ROS1: variants seen among roughly 807,000 people sequenced by gnomAD.
ROS1 encodes the protein ROS proto-oncogene 1, receptor tyrosine kinase.
A neutral mutation model predicts 273.5 loss-of-function variants in ROS1; 263 were observed. The observed-to-expected ratio is 0.96, with a 90% CI of 0.87 to 1.06. The LOEUF is 1.06. Among genes scored for constraint, ROS1 ranks in the 50% least tolerant of loss-of-function variants. The probability of loss-of-function intolerance (pLI) is 0.00; values close to 1 mark genes in which losing one functional copy is unlikely to be tolerated. For missense variants in ROS1, 2,833 were observed against 2,751.1 expected, an observed-to-expected ratio of 1.03 and a Z score of -0.67; for synonymous variants, 1,008 against 954.1, an observed-to-expected ratio of 1.06 and a Z score of -1.04.
At chr6:117,376,336 T>A (rs1213367303) in intron 18 of ROS1, among the ~76,000 whole-genome samples, 1 of 152,134 alleles carries the variant, frequency 6.6e-6, no homozygotes, top group African/African-American at 2.4e-5. Flanking sequence ...CCTTATATCC[T>A]TAAAAGATGC....
rs781723412 is a variant in ROS1 at position 117,389,846 on chromosome 6, C to G, written c.1290G>C (p.Gly430=). The G allele has an allele frequency of 2.5e-6, 4 of 1,598,588 alleles. No individual in the cohort carries two copies. In the Admixed American group the frequency reaches 6.8e-5, roughly 27 times the overall value. ...PQKIVADSYN[G]YVFYLLRDGI... is the part of the protein sequence containing the mutation. ...CATCTCTCAGGAGGTAAAAGACATACCTGACACAGGAACAAAAGAAACCTC... is the reference window on the plus strand; with the variant it reads ...CATCTCTCAGGAGGTAAAAGACATAGCTGACACAGGAACAAAAGAAACCTC... Residue 430 remains glycine, a splice_region_variant and synonymous_variant, in exon 13 of 44, where the codon GGG becomes GGC. Transcript: ENST00000368507.
chr6:117,384,091 G>T (rs543860757), intron 16 of ROS1, among the ~76,000 whole-genome samples: 4 of 152,244 alleles, frequency 2.6e-5, no homozygotes, highest in Admixed American at 2.6e-4. Context: ...AAGAGATAGA[G>T]AAAATACTTA....
Position 117,373,482 on chromosome 6 carries a change from G to C in ROS1, c.2582+5577C>G, listed in dbSNP as rs142040330. On this transcript the variant is annotated intron_variant, in intron 18 of 43. Coordinates refer to ENST00000368507, the MANE Select transcript of ROS1 (RefSeq NM_001378902.1). ...ATTCGAGCATGGCGCGGGCAGGCCA[G>C]CAGTGCTGGGGGACCTGGTGCCCCT... 2.1e-3 allele frequency among the ~76,000 whole-genome samples: 321 copies of C among 152,370 alleles called. 5 individuals carry two copies. Among genetic ancestry groups the C allele is most frequent in the African/African-American group, 7.5e-3 (312 of 41,592 alleles).
At position 117,365,593 on chromosome 6, in the gene ROS1, A is replaced by G. The variant is rs745351978; in HGVS notation, c.2946T>C (p.Ser982=). The change falls in exon 20 of 44, where the codon AGT becomes AGC. Residue 982 remains serine, a synonymous_variant. Coordinates refer to ENST00000368507, the MANE Select transcript of ROS1 (RefSeq NM_001378902.1). The part of the protein sequence containing the change: ...WGVVFYSVEF[S]AHSKFLASEQ... The stretch of plus-strand genomic sequence containing the variant: ...ACCAACACCATACCTTAGAATGAGC[A>G]CTAAATTCTACACTGTAGAAAACTA... The G allele has an allele frequency of 6.2e-7, 1 of 1,613,136 alleles. No individual in the cohort carries two copies. Among genetic ancestry groups the G allele is most frequent in the East Asian group, 2.2e-5 (1 of 44,870 alleles).
At chr6:117,342,601 T>C in intron 28 of ROS1, 57 bp from the exon 29 acceptor site, 1 of 1,111,272 alleles carries the variant, frequency 9.0e-7, no homozygotes, top group Non-Finnish European at 1.3e-6. Context: ...TACAAATTGG[T>C]AGAAATTATT....
intron 27 of ROS1, among the ~76,000 whole-genome samples, chr6:117,352,081 C>CTGTTTT (rs1334668211): frequency 6.6e-6 from 1 of 152,022 alleles, no homozygotes. Context: ...CCATGCAATT[C>CTGTTTT]TGTTTTTGTT....
intron 43 of ROS1, among the ~76,000 whole-genome samples, chr6:117,293,627 T>C (rs1773996322): frequency 6.6e-6 from 1 of 152,020 alleles, no homozygotes; most frequent in Non-Finnish European, 1.5e-5. Context: ...GTAGATACAA[T>C]TATAAAATAA....
At chr6:117,369,634 T>C (rs1019732320) in intron 18 of ROS1, among the ~76,000 whole-genome samples, 24 of 152,188 alleles carry the variant, frequency 1.6e-4, no homozygotes, top group African/African-American at 5.8e-4. Flanking sequence ...GAATGGACTA[T>C]GATCCTTCAG....
At chr6:117,293,057 T>G (rs984570243) in intron 43 of ROS1, among the ~76,000 whole-genome samples, 3 of 152,206 alleles carry the variant, frequency 2.0e-5, no homozygotes, top group Non-Finnish European at 4.4e-5. Context: ...TCTTCTATCC[T>G]GAAATACATA....
chr6:117,412,908 T>G (rs1775039174), intron 4 of ROS1, among the ~76,000 whole-genome samples: 1 of 152,114 alleles, frequency 6.6e-6, no homozygotes, highest in Admixed American at 6.5e-5. Context: ...GACTATTCTT[T>G]GGGGGTAATT....
rs1775325296 is a variant in ROS1 at position 117,308,944 on chromosome 6, G to A, written c.6417-16C>T. The A allele has an allele frequency of 6.2e-7, 1 of 1,605,404 alleles. No individual in the cohort carries two copies. The highest frequency in any genetic ancestry group is 1.3e-5 in the African/African-American group (1 of 74,268). On this transcript the variant is annotated splice_polypyrimidine_tract_variant and intron_variant, in intron 41 of 43. Transcript: ENST00000368507. ...TCCAAAAGACCTAAGAATAGTAGAG[G>A]GTTTGCTTTAATTATACTTATTACA...
intron 18 of ROS1, among the ~76,000 whole-genome samples, chr6:117,368,967 G>A (rs543518434): frequency 2.0e-5 from 3 of 151,608 alleles, no homozygotes; most frequent in Non-Finnish European, 2.9e-5. Context: ...TTAAAGTTAC[G>A]TTTACTTGTT....
intron 4 of ROS1, among the ~76,000 whole-genome samples, chr6:117,412,570 TGATAGATA>T (rs748715963): frequency 6.8e-6 from 1 of 147,640 alleles, no homozygotes; most frequent in East Asian, 2.0e-4. Flanking sequence ...ATAACTGAGG[TGATAGATA>T]GATAGATAGG....
At chr6:117,398,080 C>G (rs1773640541) in intron 7 of ROS1, among the ~76,000 whole-genome samples, 1 of 152,186 alleles carries the variant, frequency 6.6e-6, no homozygotes, top group Admixed American at 6.5e-5. Flanking sequence ...CATTGCATCA[C>G]TCCTCGGCTC....
At position 117,393,237 on chromosome 6, in the gene ROS1, C is replaced by G. The variant is rs2128710632; in HGVS notation, c.1276G>C (p.Asp426His). 6.3e-7 allele frequency: 1 copy of G among 1,594,780 alleles called. No homozygotes were observed. Among genetic ancestry groups the G allele is most frequent in the Non-Finnish European group, 8.6e-7 (1 of 1,162,688 alleles). The change falls in exon 12 of 44, where the codon GAT becomes CAT. Residue 426 changes from aspartate (D) to histidine (H), a missense_variant. Physicochemically the swap from Asp to His is moderately conservative, Grantham distance 81. Coordinates refer to ENST00000368507, the MANE Select transcript of ROS1 (RefSeq NM_001378902.1). ...GCTAACACATACCCATTGTATGAAT[C>G]AGCCACAATTTTTTGAGGTGCACTA... The part of the protein sequence containing the change: ...SISAPQKIVA[D>H]SYNGYVFYLL...
rs758668577 is a variant in ROS1, at chr6:117,352,999, G to C, written c.4294C>G (p.Pro1432Ala). The change falls in exon 27 of 44, where the codon CCT (proline) becomes GCT (alanine). Residue 1432 changes from proline (P) to alanine (A), a missense_variant. Pro to Ala is a conservative substitution (Grantham distance 27). Coordinates refer to ENST00000368507, the MANE Select transcript of ROS1 (RefSeq NM_001378902.1). ...HILAYSSVMQ[P>A]FPDKAFLSLA... ...AATGTGACTTTATTACCTGGAAAAG[G>C]CTGCATAACTGAACTGTAAGCCAAG... 2 of 1,611,356 alleles carry C rather than the reference G, an allele frequency of 1.2e-6. No homozygotes were observed. The highest frequency in any genetic ancestry group is 1.1e-5 in the South Asian group (1 of 90,306).
At position 117,396,058 on chromosome 6, in the gene ROS1, A is replaced by C. The variant is rs577601481; in HGVS notation, c.883+130T>G. 1.9e-5 allele frequency: 10 copies of C among 517,926 alleles called. No individual in the cohort carries two copies. The Admixed American group carries it at 2.7e-4, about 14-fold the overall frequency. The allele number at this position is 517,926 out of a possible 1,614,324, so 32.1% of individuals were successfully genotyped here. On this transcript the variant is annotated intron_variant, in intron 9 of 43. Transcript: ENST00000368507. ...AAAATGGAAAACTTAACAAGTACCC[A>C]AAAGACAATAATCATTTGGGCAGAA...
chr6:117,335,157 C>T (rs2128610436), intron 32 of ROS1, among the ~76,000 whole-genome samples: 1 of 152,218 alleles, frequency 6.6e-6, no homozygotes, highest in East Asian at 1.9e-4. Flanking sequence ...AAAAGACAGA[C>T]AACCCCATCA....
intron 32 of ROS1, among the ~76,000 whole-genome samples, chr6:117,335,892 C>A (rs971392544): frequency 6.6e-6 from 1 of 151,740 alleles, no homozygotes; most frequent in Non-Finnish European, 1.5e-5. Context: ...TGCAGCAAAC[C>A]ACCATGGCAC....
Sources: allele counts gnomAD v4.1 joint callset (sites outside exome capture counted in the v4.1 genomes callset), GRCh38; gene constraint gnomAD v4.1.1; transcripts MANE v1.5; gene names NCBI Gene and HGNC (gene_info 2026-07-23, HGNC 2026-07-21).